DMD: variants seen among roughly 807,000 people sequenced by gnomAD.
The protein encoded by DMD is dystrophin.
Under a neutral mutation model 330.1 loss-of-function variants are expected in DMD, and 63 were observed. The ratio of observed to expected loss-of-function variants is 0.19; its 90% confidence interval spans 0.16 to 0.24. DMD has a LOEUF of 0.24. Among genes scored for constraint, DMD ranks in the 10% least tolerant of loss-of-function variants. The pLI is 1.00. For synonymous variants in DMD, 1,223 were observed against 959.8 expected (o/e 1.27, Z -5.07); for missense variants, 3,344 against 2,684.1 (o/e 1.25, Z -5.43).
chrX:32,756,934 A>G (rs1337973698), intron 7 of DMD, among the ~76,000 whole-genome samples: 1 of 111,784 alleles, frequency 8.9e-6, no homozygotes, highest in African/African-American at 3.2e-5. Flanking sequence ...AAGTCAGGCC[A>G]TAAGTTCATG....
At chrX:33,318,585 C>T (rs1183480112) in intron 1 of DMD, among the ~76,000 whole-genome samples, 1 of 107,892 alleles carries the variant, frequency 9.3e-6, no homozygotes, top group African/African-American at 3.4e-5. Context: ...AAGTGTGCCA[C>T]CATGCCCAGC....
intron 1 of DMD, among the ~76,000 whole-genome samples, chrX:33,270,912 C>T (rs1389298653): frequency 7.2e-5 from 8 of 110,903 alleles, no homozygotes; most frequent in Non-Finnish European, 1.9e-5. Context: ...ATTTTTATTG[C>T]TTTAAAAATG....
At chrX:31,986,828 A>G (rs752966448) in intron 44 of DMD, among the ~76,000 whole-genome samples, 1 of 112,523 alleles carries the variant, frequency 8.9e-6, no homozygotes, top group South Asian at 3.7e-4. Flanking sequence ...AAATATTAAA[A>G]AACGAACTAA....
At chrX:33,105,726 C>A (rs779090748) in intron 1 of DMD, among the ~76,000 whole-genome samples, 49 of 112,064 alleles carry the variant, frequency 4.4e-4, no homozygotes, top group Non-Finnish European at 7.5e-4. Flanking sequence ...CAATGAGATA[C>A]TTCCTTATCT....
chrX:32,252,681 TATAAATATATATATAAATATATATAA>T lies in DMD; in HGVS notation c.6290+34822_6290+34847del, dbSNP rs1569553586. Among the ~76,000 whole-genome samples the T allele has an allele frequency of 2.6e-3, 157 of 59,762 alleles. 4 individuals carry two copies. In the South Asian group the frequency reaches 0.035, roughly 14 times the overall value. 51.9% of individuals were successfully genotyped at this position (59,762 alleles called of 115,157 possible). A position where few individuals can be genotyped will look rare whatever the true frequency, so the allele number is the denominator to read the frequency against. ...ATATATAAATATATATATATAAATA[TATAAATATATATATAAATATATATAA>T]ATATATAAATATATATAAATATATA... On this transcript the variant is annotated intron_variant, in intron 43 of 78. Coordinates refer to ENST00000357033, the MANE Select transcript of DMD (RefSeq NM_004006.3).
chrX:31,728,332 T>A (rs752511674), intron 52 of DMD, among the ~76,000 whole-genome samples: 1 of 112,108 alleles, frequency 8.9e-6, no homozygotes, highest in Non-Finnish European at 1.9e-5. Flanking sequence ...GCCGAGTAAC[T>A]GTTCTTGGAA....
intron 1 of DMD, among the ~76,000 whole-genome samples, chrX:33,315,263 C>T (rs1019667006): frequency 4.5e-5 from 5 of 112,190 alleles, no homozygotes; most frequent in African/African-American, 9.7e-5. Context: ...ATTAACTTAA[C>T]GGGACTGGGT....
At chrX:33,059,663 C>T (rs964883773) in intron 1 of DMD, among the ~76,000 whole-genome samples, 1 of 111,498 alleles carries the variant, frequency 9.0e-6, no homozygotes, top group South Asian at 3.7e-4. Flanking sequence ...TTCTGAAGCT[C>T]GAGCCCTAGC....
At chrX:32,277,161 A>G (rs892596276) in intron 43 of DMD, among the ~76,000 whole-genome samples, 10 of 110,702 alleles carry the variant, frequency 9.0e-5, no homozygotes, top group Non-Finnish European at 1.7e-4. Context: ...CCAAATCGAT[A>G]TCAGGACAAA....
intron 45 of DMD, among the ~76,000 whole-genome samples, chrX:31,956,369 T>C (rs1603617951): frequency 8.9e-6 from 1 of 112,116 alleles, no homozygotes; most frequent in East Asian, 2.8e-4. Context: ...CAGTGAAAGC[T>C]ACATTTGTTG....
At position 32,230,441 on chromosome X, in the gene DMD, T is replaced by C. The variant is rs776744215; in HGVS notation, c.6291-13378A>G. On this transcript the variant is annotated intron_variant, in intron 43 of 78. Transcript: ENST00000357033. Reference sequence around the variant, plus strand: ...TTGTATTTTTTAGTAGAGACGGGGTTTCACCTTGTTGGCCAGGACGGTCTC... The same window carrying C: ...TTGTATTTTTTAGTAGAGACGGGGTCTCACCTTGTTGGCCAGGACGGTCTC... 2.0e-4 allele frequency among the ~76,000 whole-genome samples: 22 copies of C among 110,906 alleles called. No individual in the cohort carries two copies. The South Asian group carries it at 4.2e-3, about 21-fold the overall frequency.
intron 54 of DMD, 47 bp downstream of exon 54, chrX:31,657,943 C>T (rs747606329): frequency 5.3e-5 from 62 of 1,162,591 alleles, no homozygotes; most frequent in Non-Finnish European, 1.9e-5. Context: ...GTTTCACCAC[C>T]CCATTATTAC....
intron 43 of DMD, among the ~76,000 whole-genome samples, chrX:32,240,498 C>T (rs780762769): frequency 1.2e-4 from 13 of 111,336 alleles, no homozygotes; most frequent in South Asian, 7.6e-4. Flanking sequence ...GCCTCCAGAA[C>T]GGTGAGAAAT....
chrX:32,845,272 G>A (rs987837187), intron 3 of DMD, among the ~76,000 whole-genome samples: 1 of 111,698 alleles, frequency 9.0e-6, no homozygotes, highest in Non-Finnish European at 1.9e-5. Context: ...GCCAAATAGG[G>A]TTAAAGGAAA....
chrX:31,852,125 G>A (rs972496489), intron 48 of DMD, among the ~76,000 whole-genome samples: 2 of 111,482 alleles, frequency 1.8e-5, no homozygotes, highest in African/African-American at 6.5e-5. Context: ...GATCTTGGCT[G>A]TTATCCTGAG....
At chrX:31,289,251 C>CA (rs773939250) in intron 62 of DMD, among the ~76,000 whole-genome samples, 557 of 23,318 alleles carry the variant, frequency 0.024, 16 homozygotes, top group South Asian at 0.045. Flanking sequence ...GGTGACAGAG[C>CA]AAAAAAAAAA....
chrX:32,961,203 A>G (rs1490735641), intron 2 of DMD, among the ~76,000 whole-genome samples: 1 of 111,210 alleles, frequency 9.0e-6, no homozygotes, highest in East Asian at 2.8e-4. Context: ...CTATATAGGC[A>G]AGTATTCATT....
chrX:32,203,107 A>G (rs971598967), intron 44 of DMD, among the ~76,000 whole-genome samples: 4 of 112,066 alleles, frequency 3.6e-5, no homozygotes, highest in African/African-American at 1.3e-4. Context: ...GGGATCCCAA[A>G]GCTTTTGCCA....
chrX:32,665,713 C>T (rs1189489007), intron 9 of DMD, among the ~76,000 whole-genome samples: 6 of 111,617 alleles, frequency 5.4e-5, no homozygotes, highest in African/African-American at 9.8e-5. Flanking sequence ...AAAAGGGAAG[C>T]GAAATATGAA....
Sources: allele counts gnomAD v4.1 joint callset (sites outside exome capture counted in the v4.1 genomes callset), GRCh38; gene constraint gnomAD v4.1.1; transcripts MANE v1.5; gene names NCBI Gene and HGNC (gene_info 2026-07-23, HGNC 2026-07-21).